The following CEP128 variants were observed in gnomAD, a reference collection of about 807,000 sequenced individuals.
CEP128 encodes centrosomal protein 128.
CEP128 carries 132 observed loss-of-function variants against 156.7 expected under a neutral mutation model. The ratio of observed to expected loss-of-function variants is 0.84; its 90% CI spans 0.73 to 0.97. The LOEUF is 0.97. Among genes scored for constraint, CEP128 ranks in the 50% least tolerant of loss-of-function variants. The pLI is 0.00. For missense variants in CEP128, 1,252 were observed against 1,281.9 expected (o/e 0.98, Z 0.36); for synonymous variants, 469 against 448.9 (o/e 1.04, Z -0.57).
At chr14:80,886,712 C>T (rs1450569086) in intron 8 of CEP128, among the ~76,000 whole-genome samples, 2 of 152,182 alleles carry the variant, frequency 1.3e-5, no homozygotes, top group Non-Finnish European at 2.9e-5. Context: ...TAGGAAGAAA[C>T]CGCATTAACT....
chr14:80,939,297 C>A (rs1468921197), intron 2 of CEP128, 88 bp downstream of exon 2: 1 of 151,912 alleles, frequency 6.6e-6, no homozygotes, highest in Non-Finnish European at 1.5e-5. Flanking sequence ...TTCTTGCTCC[C>A]AAAACTCTAT....
At chr14:80,869,789 G>A (rs1431644633) in intron 8 of CEP128, among the ~76,000 whole-genome samples, 2 of 151,934 alleles carry the variant, frequency 1.3e-5, no homozygotes, top group African/African-American at 4.8e-5. Flanking sequence ...GTACCCAGGA[G>A]TTATTTTTTT....
chr14:80,630,537 G>A (rs1432822707), intron 19 of CEP128, among the ~76,000 whole-genome samples: 1 of 151,876 alleles, frequency 6.6e-6, no homozygotes, highest in Non-Finnish European at 1.5e-5. Flanking sequence ...ATACCCCAAA[G>A]TCTGCCTTGG....
Position 80,792,919 on chromosome 14 carries a change from C to T in CEP128, c.1401G>A (p.Gln467=), listed in dbSNP as rs149118365. ...QAERYLSELQ[Q]SEALKEEAEK... ...CCGCCTCCTCTTTCAGAGCCTCTGA[C>T]TGCTGGAGCTCACTGAGGTACCGCT... is the stretch of plus-strand genomic sequence containing the variant. The change falls in exon 14 of 25, where the codon CAG becomes CAA. Residue 467 remains glutamine, a synonymous_variant. Transcript: ENST00000555265. 89 of 1,614,072 alleles carry T rather than the reference C, an allele frequency of 5.5e-5. No homozygotes were observed. The highest frequency in any genetic ancestry group is 2.2e-5 in the Non-Finnish European group (26 of 1,180,046).
intron 19 of CEP128, among the ~76,000 whole-genome samples, chr14:80,591,079 C>T (rs1892041307): frequency 6.6e-6 from 1 of 152,092 alleles, no homozygotes; most frequent in African/African-American, 2.4e-5. Context: ...ACCATCAACA[C>T]TAGGAAGAAA....
At chr14:80,623,176 G>T (rs1893560619) in intron 19 of CEP128, among the ~76,000 whole-genome samples, 2 of 151,756 alleles carry the variant, frequency 1.3e-5, no homozygotes, top group Admixed American at 1.3e-4. Flanking sequence ...GGATGAAATT[G>T]GAAATCATCA....
intron 19 of CEP128, among the ~76,000 whole-genome samples, chr14:80,668,032 A>G (rs1895696324): frequency 6.6e-6 from 1 of 152,196 alleles, no homozygotes; most frequent in Non-Finnish European, 1.5e-5. Context: ...TGATAATAGT[A>G]AACAGTATTT....
chr14:80,887,523 T>A (rs1424329946), intron 8 of CEP128, among the ~76,000 whole-genome samples: 2 of 152,160 alleles, frequency 1.3e-5, no homozygotes, highest in Admixed American at 1.3e-4. Context: ...TACCCCTGAA[T>A]GACTACTAGG....
intron 14 of CEP128, among the ~76,000 whole-genome samples, chr14:80,790,324 A>C (rs1039234194): frequency 2.6e-5 from 4 of 152,194 alleles, no homozygotes; most frequent in Admixed American, 2.6e-4. Flanking sequence ...AGAAAAGCAT[A>C]TACTATGATT....
At chr14:80,656,818 TA>T (rs1032733258) in intron 19 of CEP128, among the ~76,000 whole-genome samples, 138 of 152,310 alleles carry the variant, frequency 9.1e-4, no homozygotes, top group African/African-American at 3.2e-3. Flanking sequence ...TGGTTGTGGG[TA>T]CAACTAAGTC....
intron 13 of CEP128, among the ~76,000 whole-genome samples, chr14:80,812,191 T>C (rs1156744107): frequency 1.3e-5 from 2 of 152,204 alleles, no homozygotes; most frequent in Non-Finnish European, 2.9e-5. Context: ...CTCAGGATAA[T>C]GGCCTCCAGT....
intron 4 of CEP128, among the ~76,000 whole-genome samples, chr14:80,913,107 T>G (rs972908159): frequency 1.2e-4 from 18 of 152,146 alleles, no homozygotes; most frequent in African/African-American, 4.1e-4. Context: ...CATCCCCATG[T>G]AAAGTAAGTA....
chr14:80,617,262 GCT>G (rs1452237451), intron 19 of CEP128, among the ~76,000 whole-genome samples: 8 of 99,322 alleles, frequency 8.1e-5, no homozygotes, highest in African/African-American at 3.5e-4. Flanking sequence ...ACGGAGTGTT[GCT>G]CTGTCACCCA....
intron 4 of CEP128, among the ~76,000 whole-genome samples, chr14:80,913,819 A>G (rs1331056090): frequency 6.6e-6 from 1 of 152,186 alleles, no homozygotes; most frequent in Non-Finnish European, 1.5e-5. Context: ...TATTGGGTAC[A>G]TTGTACACTA....
At chr14:80,902,900 C>T (rs752065319) in intron 6 of CEP128, among the ~76,000 whole-genome samples, 36 of 152,264 alleles carry the variant, frequency 2.4e-4, no homozygotes, top group Non-Finnish European at 3.7e-4. Context: ...TCCAATTAAA[C>T]TCACTTTTAA....
intron 19 of CEP128, among the ~76,000 whole-genome samples, chr14:80,616,950 T>C (rs17110854): frequency 0.12 from 17,504 of 152,196 alleles, 1,325 homozygotes; most frequent in East Asian, 0.31. Flanking sequence ...ACTAGTGATA[T>C]TAAGCAGACC....
intron 21 of CEP128, among the ~76,000 whole-genome samples, chr14:80,533,821 A>T (rs1285090299): frequency 6.6e-6 from 1 of 152,062 alleles, no homozygotes; most frequent in East Asian, 1.9e-4. Flanking sequence ...CTTTCTTTTC[A>T]TCCTTATATT....
At chr14:80,873,607 G>A (rs959249451) in intron 8 of CEP128, among the ~76,000 whole-genome samples, 4 of 152,128 alleles carry the variant, frequency 2.6e-5, no homozygotes, top group African/African-American at 9.7e-5. Context: ...GGCTCACTCA[G>A]CTTTACAGGG....
Position 80,698,437 on chromosome 14 carries a change from C to T in CEP128, c.2806+44638G>A, listed in dbSNP as rs114005614. 3.8e-3 allele frequency among the ~76,000 whole-genome samples: 576 copies of T among 152,240 alleles called. 3 individuals carry two copies. The highest frequency in any genetic ancestry group is 0.013 in the African/African-American group (552 of 41,572). ...ACATGTGAAATTCTTTAAATTAGTA[C>T]TGATCATAATAACCCTCAGAGGTAG... On this transcript the variant is annotated intron_variant, in intron 19 of 24. Transcript: ENST00000555265.
Sources: allele counts gnomAD v4.1 joint callset (sites outside exome capture counted in the v4.1 genomes callset), GRCh38; gene constraint gnomAD v4.1.1; transcripts MANE v1.5; gene names NCBI Gene and HGNC (gene_info 2026-07-23, HGNC 2026-07-21).